SLA: variants seen among roughly 807,000 people sequenced by gnomAD.
SLA encodes Src like adaptor.
Under a neutral mutation model 30.3 loss-of-function variants are expected in SLA, and 16 were observed. That is an observed-to-expected ratio of 0.53 (90% CI 0.36 to 0.80). The LOEUF is 0.80. Ranked by LOEUF, SLA falls within the 30% of genes least tolerant of loss-of-function variation. The pLI is 0.01. For synonymous variants in SLA, 143 were observed against 137.8 expected (o/e 1.04, Z -0.26); for missense variants, 310 against 345.2 (o/e 0.90, Z 0.81).
chr8:133,077,482 C>T (rs1256747853), intron 1 of SLA, among the ~76,000 whole-genome samples: 2 of 152,168 alleles, frequency 1.3e-5, no homozygotes, highest in East Asian at 1.9e-4. Flanking sequence ...CCTGGAGTAA[C>T]CGAGGAAACT....
chr8:133,081,402 T>C (rs1845722257), intron 1 of SLA, among the ~76,000 whole-genome samples: 1 of 152,198 alleles, frequency 6.6e-6, no homozygotes, highest in East Asian at 1.9e-4. Context: ...GAAAACCATC[T>C]GGGGGGAGAG....
chr8:133,076,365 T>A (rs548756631), intron 1 of SLA, among the ~76,000 whole-genome samples: 1 of 152,344 alleles, frequency 6.6e-6, no homozygotes, highest in East Asian at 1.9e-4. Context: ...TTTGCAAAGA[T>A]GAATCAAAAC....
At chr8:133,052,353 A>C (rs1049188315) in intron 3 of SLA, among the ~76,000 whole-genome samples, 4 of 152,250 alleles carry the variant, frequency 2.6e-5, no homozygotes, top group Admixed American at 2.0e-4. Context: ...CCCTGACAAT[A>C]AGCCATGTAA....
chr8:133,088,490 G>A (rs1002997680), intron 1 of SLA, among the ~76,000 whole-genome samples: 2 of 152,154 alleles, frequency 1.3e-5, no homozygotes, highest in African/African-American at 4.8e-5. Context: ...CCCACTCCAA[G>A]CCTCAGTCTC....
chr8:133,040,144 C>G lies in SLA; in HGVS notation c.485-14G>C, dbSNP rs773005059. On this transcript the variant is annotated splice_polypyrimidine_tract_variant and intron_variant, in intron 7 of 8. Transcript: ENST00000338087. ...CATCAGCCACCTCTGAGGAGGGAAG[C>G]AGACAGCCGGTCAGGGACCCTGGGG... is the stretch of plus-strand genomic sequence containing the variant. The G allele has an allele frequency of 3.4e-5, 54 of 1,576,550 alleles. 1 individual carries two copies. Among genetic ancestry groups the G allele is most frequent in the Non-Finnish European group, 4.5e-5 (52 of 1,161,434 alleles).
At chr8:133,093,454 G>A (rs1338449683) in intron 1 of SLA, among the ~76,000 whole-genome samples, 2 of 152,146 alleles carry the variant, frequency 1.3e-5, no homozygotes, top group Admixed American at 6.5e-5. Flanking sequence ...CAGGAGACTC[G>A]GAGTTTGTCT....
At chr8:133,075,477 T>A (rs1381985995) in intron 1 of SLA, among the ~76,000 whole-genome samples, 1 of 152,218 alleles carries the variant, frequency 6.6e-6, no homozygotes, top group African/African-American at 2.4e-5. Flanking sequence ...AAGAACATTA[T>A]GAGATGGCAG....
At chr8:133,053,857 A>G (rs2403912) in intron 3 of SLA, among the ~76,000 whole-genome samples, 8,166 of 152,262 alleles carry the variant, frequency 0.054, 694 homozygotes, top group African/African-American at 0.18. Context: ...TTTGATAGCT[A>G]TGGCACTTAA....
In SLA at chr8:133,049,353, G is replaced by A. The variant is rs1017854521; in HGVS notation, c.248+549C>T. Reference sequence around the variant, plus strand: ...GATTAGAATAGAGCTAATATTTATCGAGTGCTTACTGTAATGCCTGGCATT... The same window carrying A: ...GATTAGAATAGAGCTAATATTTATCAAGTGCTTACTGTAATGCCTGGCATT... On this transcript the variant is annotated intron_variant, in intron 5 of 8. Transcript: ENST00000338087. The A allele has an allele frequency of 5.2e-5, 17 of 328,916 alleles. No homozygotes were observed. The East Asian group carries it at 8.4e-4, about 16-fold the overall frequency. 20.4% of individuals were successfully genotyped at this position (328,916 alleles called of 1,614,324 possible). A position where few individuals can be genotyped will look rare whatever the true frequency, so the allele number is the denominator to read the frequency against.
At chr8:133,099,992 C>A (rs927674748) in intron 1 of SLA, among the ~76,000 whole-genome samples, 5 of 152,308 alleles carry the variant, frequency 3.3e-5, no homozygotes, top group South Asian at 2.1e-4. Context: ...CTGCTCCAAG[C>A]CTTCTCTCCA....
intron 1 of SLA, among the ~76,000 whole-genome samples, chr8:133,100,458 C>G (rs1849069307): frequency 6.6e-6 from 1 of 152,190 alleles, no homozygotes; most frequent in African/African-American, 2.4e-5. Context: ...AAATTGCACA[C>G]AGCAGGCACA....
chr8:133,047,972 G>A (rs757226993), intron 5 of SLA, 39 bp from the exon 6 acceptor site: 68 of 1,317,574 alleles, frequency 5.2e-5, no homozygotes, highest in Non-Finnish European at 6.6e-5. Flanking sequence ...TCCGGAACAA[G>A]CCCTCCCCCA....
chr8:133,065,771 T>C (rs1000357482), intron 2 of SLA, among the ~76,000 whole-genome samples: 4 of 146,752 alleles, frequency 2.7e-5, no homozygotes, highest in Non-Finnish European at 5.9e-5. Flanking sequence ...TCAAAAATAA[T>C]AAAATAAAAT....
chr8:133,077,557 A>G (rs1845086014), intron 1 of SLA, among the ~76,000 whole-genome samples: 3 of 152,190 alleles, frequency 2.0e-5, no homozygotes, highest in African/African-American at 7.2e-5. Flanking sequence ...GGGCTGTGCC[A>G]GAGCAGGGGG....
chr8:133,077,409 A>G (rs7827533), intron 1 of SLA, among the ~76,000 whole-genome samples: 42,533 of 151,950 alleles, frequency 0.28, 6,753 homozygotes, highest in African/African-American at 0.42. Context: ...TGGGTGACTG[A>G]AGGGTTGCTG....
chr8:133,077,457 C>A (rs1477337780), intron 1 of SLA, among the ~76,000 whole-genome samples: 2 of 152,090 alleles, frequency 1.3e-5, no homozygotes, highest in African/African-American at 4.8e-5. Flanking sequence ...GTGTTTATGA[C>A]CCTCCCTTTC....
intron 1 of SLA, among the ~76,000 whole-genome samples, chr8:133,100,586 G>A (rs1485686686): frequency 6.6e-6 from 1 of 152,170 alleles, no homozygotes; most frequent in East Asian, 1.9e-4. Flanking sequence ...CCTATGAGGT[G>A]GGGATTATTA....
intron 2 of SLA, among the ~76,000 whole-genome samples, chr8:133,062,203 T>G (rs557712191): frequency 2.6e-5 from 4 of 152,150 alleles, no homozygotes; most frequent in Non-Finnish European, 4.4e-5. Flanking sequence ...TCTTCATGCT[T>G]GCCCCTACCC....
intron 7 of SLA, 107 bp downstream of exon 7, chr8:133,044,877 A>G (rs1455922209): frequency 1.8e-6 from 2 of 1,081,344 alleles, no homozygotes; most frequent in African/African-American, 1.5e-5. Context: ...TGAAGGCAGC[A>G]TAGGCAGTAA....
Sources: allele counts gnomAD v4.1 joint callset (sites outside exome capture counted in the v4.1 genomes callset), GRCh38; gene constraint gnomAD v4.1.1; transcripts MANE v1.5; gene names NCBI Gene and HGNC (gene_info 2026-07-23, HGNC 2026-07-21).